Variants in ITPR2 observed in about 807,000 individuals in gnomAD.
ITPR2 encodes the protein inositol 1,4,5-trisphosphate receptor type 2, also known as inositol 1,4,5-trisphosphate-gated calcium channel ITPR2.
ITPR2 carries 207 observed loss-of-function variants against 317.1 expected under a neutral mutation model. That is an observed-to-expected ratio of 0.65 (90% CI 0.58 to 0.73). The LOEUF (loss-of-function observed/expected upper bound fraction) is 0.73, where lower values mean the gene tolerates loss of function less well. ITPR2 is among the 30% of genes least tolerant of loss of function. ITPR2 has a pLI of 0.00. For synonymous variants in ITPR2, 1,156 were observed against 1,149.1 expected, an observed-to-expected ratio of 1.01 and a Z score of -0.12; for missense variants, 2,613 against 3,284.0, an observed-to-expected ratio of 0.80 and a Z score of 4.99.
chr12:26,448,604 T>C (rs934410199), intron 45 of ITPR2, among the ~76,000 whole-genome samples: 4 of 152,138 alleles, frequency 2.6e-5, no homozygotes, highest in Non-Finnish European at 5.9e-5. Context: ...ATGCAATGAA[T>C]ACATGGGTAG....
At position 26,427,929 on chromosome 12, in the gene ITPR2, A is replaced by G; in HGVS notation, c.6929T>C (p.Leu2310Pro). 6.3e-7 allele frequency: 1 copy of G among 1,577,198 alleles called. No homozygotes were observed. Among genetic ancestry groups the G allele is most frequent in the Non-Finnish European group, 8.6e-7 (1 of 1,163,464 alleles). ...AGTACTTACATTAGCTGCACCAAGA[A>G]GTATTAATGTAGGCCCAAGACCTAT... ...YTIGLGPTLI[L>P]LGAANLCNKI... The change falls in exon 49 of 57, where the codon CTT becomes CCT. Residue 2310 changes from leucine (L) to proline (P), a missense_variant. Leu to Pro is a moderately conservative substitution (Grantham distance 98). Around this residue, in one of 9 missense-constraint regions of ITPR2, gnomAD observed 78 missense variants for 110.3 expected, o/e 0.71. Transcript: ENST00000381340.
At chr12:26,716,820 C>T (rs555383581) in intron 5 of ITPR2, among the ~76,000 whole-genome samples, 1 of 152,262 alleles carries the variant, frequency 6.6e-6, no homozygotes, top group African/African-American at 2.4e-5. Flanking sequence ...ATCCGATTCA[C>T]TCATATCTTA....
In ITPR2 at chr12:26,513,144, A is replaced by C. The variant is rs200822755; in HGVS notation, c.5074-17884T>G. 5.9e-5 allele frequency among the ~76,000 whole-genome samples: 9 copies of C among 152,132 alleles called. No individual in the cohort carries two copies. In the East Asian group the frequency reaches 1.5e-3, roughly 26 times the overall value. ...GTGTGAGCCACCGCGCCCGGCCGGG[A>C]AACAATTTTTAACTCTAAAGCATAT... On this transcript the variant is annotated intron_variant, in intron 37 of 56. Transcript: ENST00000381340.
chr12:26,460,186 C>A (rs934497585), intron 45 of ITPR2, among the ~76,000 whole-genome samples: 2 of 152,190 alleles, frequency 1.3e-5, no homozygotes, highest in African/African-American at 2.4e-5. Flanking sequence ...TCCGACCCTG[C>A]CTCCATCCTG....
At chr12:26,807,436 ATG>A (rs1950658319) in intron 1 of ITPR2, among the ~76,000 whole-genome samples, 1 of 152,144 alleles carries the variant, frequency 6.6e-6, no homozygotes, top group Non-Finnish European at 1.5e-5. Context: ...GCCAAGCACA[ATG>A]TGTTCAGTCC....
chr12:26,752,937 G>A (rs925410025), intron 2 of ITPR2, among the ~76,000 whole-genome samples: 18 of 152,252 alleles, frequency 1.2e-4, no homozygotes, highest in Middle Eastern at 3.4e-3. Context: ...AGCTAACTTT[G>A]GGTAAGTGGT....
chr12:26,489,037 C>T (rs190521229), intron 39 of ITPR2, among the ~76,000 whole-genome samples: 6 of 152,018 alleles, frequency 3.9e-5, no homozygotes, highest in Non-Finnish European at 4.4e-5. Flanking sequence ...CAACCTCTTA[C>T]GATGAAAATG....
intron 10 of ITPR2, among the ~76,000 whole-genome samples, chr12:26,693,906 G>A (rs965844289): frequency 1.3e-5 from 2 of 151,978 alleles, no homozygotes; most frequent in South Asian, 2.1e-4. Context: ...TGGCATGCAG[G>A]TGAAGTACAT....
chr12:26,548,893 A>G (rs925159847), intron 37 of ITPR2, among the ~76,000 whole-genome samples: 29 of 152,212 alleles, frequency 1.9e-4, no homozygotes, highest in Non-Finnish European at 3.5e-4. Context: ...TTGACTAGCC[A>G]AAGTAAAAAT....
At chr12:26,541,303 G>C (rs969675235) in intron 37 of ITPR2, among the ~76,000 whole-genome samples, 2 of 152,094 alleles carry the variant, frequency 1.3e-5, no homozygotes, top group African/African-American at 4.8e-5. Flanking sequence ...GGTGACAAGA[G>C]TGAAACTCCA....
At chr12:26,488,355 T>G (rs774154656) in intron 39 of ITPR2, among the ~76,000 whole-genome samples, 1 of 152,142 alleles carries the variant, frequency 6.6e-6, no homozygotes. Flanking sequence ...AACAGCCAGT[T>G]TGGGGGAGTT....
intron 10 of ITPR2, 61 bp from the exon 11 acceptor site, chr12:26,686,693 A>C: frequency 1.4e-6 from 2 of 1,414,756 alleles, no homozygotes; most frequent in Non-Finnish European, 1.9e-6. Context: ...TCTCCAATTA[A>C]TCAGGTGATA....
At chr12:26,442,605 T>C (rs550228286) in intron 46 of ITPR2, among the ~76,000 whole-genome samples, 2 of 152,310 alleles carry the variant, frequency 1.3e-5, no homozygotes, top group South Asian at 4.1e-4. Context: ...GACCTATTTC[T>C]ATTTGTATAG....
chr12:26,528,500 C>T (rs1374868470), intron 37 of ITPR2, among the ~76,000 whole-genome samples: 1 of 152,186 alleles, frequency 6.6e-6, no homozygotes, highest in African/African-American at 2.4e-5. Context: ...AGAAGTTGTA[C>T]TGAAATGCCA....
At chr12:26,819,245 C>T (rs1051372235) in intron 1 of ITPR2, among the ~76,000 whole-genome samples, 3 of 152,120 alleles carry the variant, frequency 2.0e-5, no homozygotes, top group Non-Finnish European at 4.4e-5. Flanking sequence ...AATGAAGATT[C>T]CTAGCATAAG....
At chr12:26,481,419 T>C (rs1464897532) in intron 42 of ITPR2, among the ~76,000 whole-genome samples, 178 bp from the exon 43 acceptor site, 1 of 152,230 alleles carries the variant, frequency 6.6e-6, no homozygotes, top group Non-Finnish European at 1.5e-5. Context: ...TTGATTAGTA[T>C]TGATCAAATG....
At chr12:26,561,712 T>A (rs925480163) in intron 35 of ITPR2, 50 bp downstream of exon 35, 5 of 1,358,946 alleles carry the variant, frequency 3.7e-6, no homozygotes, top group Non-Finnish European at 4.9e-6. Context: ...TACATATTTT[T>A]AAAAAATATA....
chr12:26,655,382 G>A (rs11048634), intron 20 of ITPR2, among the ~76,000 whole-genome samples: 51,793 of 151,900 alleles, frequency 0.34, 9,649 homozygotes, highest in East Asian at 0.64. Context: ...TGGGAGGCCG[G>A]GGCAGGTGGA....
chr12:26,816,720 T>C (rs748423086), intron 1 of ITPR2, among the ~76,000 whole-genome samples: 2 of 152,100 alleles, frequency 1.3e-5, no homozygotes, highest in African/African-American at 2.4e-5. Flanking sequence ...TATGGTGCTA[T>C]CTGAGTATAT....
Sources: gnomAD v4.1 joint callset for allele counts (sites outside exome capture counted in the v4.1 genomes callset) on GRCh38, gnomAD v4.1.1 for gene constraint, gnomAD v4.1.1 regional missense constraint, MANE v1.5 for transcripts, NCBI Gene and HGNC (gene_info 2026-07-23, HGNC 2026-07-21) for gene names.